The following POLDIP3 variants were observed in gnomAD, a reference collection of about 807,000 sequenced individuals.
POLDIP3 encodes the protein DNA polymerase delta interacting protein 3.
In POLDIP3, 14 loss-of-function variants were observed where a neutral mutation model predicts 45.1. That is an observed-to-expected ratio of 0.31 (90% CI 0.20 to 0.49). The LOEUF (loss-of-function observed/expected upper bound fraction) is 0.49, where lower values mean the gene tolerates loss of function less well. POLDIP3 is among the 20% of genes least tolerant of loss of function. The pLI is 0.99. For missense variants in POLDIP3, 511 were observed against 538.8 expected, an observed-to-expected ratio of 0.95 and a Z score of 0.51; for synonymous variants, 223 against 205.2, an observed-to-expected ratio of 1.09 and a Z score of -0.74.
Position 42,587,590 on chromosome 22 carries a change from G to GAA in POLDIP3, c.1022-20_1022-19dup. Reference sequence around the variant, plus strand: ...CGGCTGCCCTGAAAAACCAAAGAAAGAAAAAGGCTCTGCTATGAGACCTCG... The same window carrying GAA: ...CGGCTGCCCTGAAAAACCAAAGAAAGAAAAAAAGGCTCTGCTATGAGACCTCG... On this transcript the variant is annotated intron_variant, in intron 7 of 8. Transcript: ENST00000252115. 6.2e-7 allele frequency: 1 copy of GAA among 1,608,984 alleles called. No individual in the cohort carries two copies. Among genetic ancestry groups the GAA allele is most frequent in the Middle Eastern group, 1.7e-4 (1 of 6,054 alleles).
intron 1 of POLDIP3, among the ~76,000 whole-genome samples, chr22:42,609,484 G>C (rs1926985787): frequency 6.6e-6 from 1 of 152,192 alleles, no homozygotes; most frequent in Non-Finnish European, 1.5e-5. Context: ...GGGTCTGTCT[G>C]GGCTATAGGA....
intron 4 of POLDIP3, among the ~76,000 whole-genome samples, chr22:42,598,981 G>A (rs1926174916): frequency 6.6e-6 from 1 of 152,194 alleles, no homozygotes; most frequent in Non-Finnish European, 1.5e-5. Context: ...CCACAGATCA[G>A]GTGAGATGTA....
intron 1 of POLDIP3, among the ~76,000 whole-genome samples, chr22:42,613,032 C>G (rs1362810134): frequency 1.3e-5 from 2 of 152,170 alleles, no homozygotes; most frequent in Non-Finnish European, 2.9e-5. Flanking sequence ...GCCCCACCTA[C>G]TGCCCAACAC....
chr22:42,587,403 A>T, intron 8 of POLDIP3, 103 bp downstream of exon 8: 1 of 1,202,540 alleles, frequency 8.3e-7, no homozygotes, highest in Non-Finnish European at 1.2e-6. Flanking sequence ...GAGGAAACGG[A>T]ATGGGGGGAT....
At chr22:42,595,476 A>T in intron 6 of POLDIP3, 61 bp downstream of exon 6, 1 of 1,491,246 alleles carries the variant, frequency 6.7e-7, no homozygotes, top group Non-Finnish European at 9.4e-7. Context: ...GGTGGGTCTT[A>T]AGAGACCTTT....
intron 4 of POLDIP3, among the ~76,000 whole-genome samples, chr22:42,597,073 G>T (rs1302605237): frequency 6.6e-6 from 1 of 152,110 alleles, no homozygotes; most frequent in Admixed American, 6.6e-5. Flanking sequence ...CCATCCAGAG[G>T]AACCACACAC....
intron 1 of POLDIP3, among the ~76,000 whole-genome samples, chr22:42,611,737 C>T (rs143434797): frequency 0.017 from 2,580 of 152,116 alleles, 74 homozygotes; most frequent in African/African-American, 0.059. Flanking sequence ...ATTAACCAGG[C>T]GTGGTGGCGC....
At chr22:42,604,031 G>A (rs1008535627) in intron 1 of POLDIP3, among the ~76,000 whole-genome samples, 2 of 152,184 alleles carry the variant, frequency 1.3e-5, no homozygotes, top group African/African-American at 4.8e-5. Context: ...GCTTGAAAGT[G>A]AACAGAAGGC....
intron 7 of POLDIP3, among the ~76,000 whole-genome samples, chr22:42,591,295 T>G (rs551203867): frequency 1.3e-5 from 2 of 152,104 alleles, no homozygotes; most frequent in Non-Finnish European, 2.9e-5. Flanking sequence ...AAATCAGAAC[T>G]CCACTGACTC....
chr22:42,602,728 T>G (rs1158849972), intron 2 of POLDIP3, 42 bp downstream of exon 2: 3 of 1,551,212 alleles, frequency 1.9e-6, no homozygotes, highest in Non-Finnish European at 2.6e-6. Context: ...TCTACCTTTG[T>G]TACTAGCTTT....
rs1351004733 is a variant in POLDIP3, at chr22:42,584,104, G to A, written c.*1687C>T. 1 of 152,732 alleles carries A rather than the reference G, an allele frequency of 6.5e-6. No homozygotes were observed. The highest frequency in any genetic ancestry group is 1.5e-5 in the Non-Finnish European group (1 of 68,118). The allele number at this position is 152,732 out of a possible 1,614,324, so 9.5% of individuals were successfully genotyped here. On this transcript the variant is annotated 3_prime_UTR_variant, in exon 9 of 9. Coordinates refer to ENST00000252115, the MANE Select transcript of POLDIP3 (RefSeq NM_032311.5). ...CTACCCTAAGCACAGTGCAAGCAGTGAGCCCCCGGCTCCCAGTACCTGAAA... is the reference window on the plus strand; with the variant it reads ...CTACCCTAAGCACAGTGCAAGCAGTAAGCCCCCGGCTCCCAGTACCTGAAA...
chr22:42,607,841 C>A (rs1169710632), intron 1 of POLDIP3, among the ~76,000 whole-genome samples: 1 of 151,030 alleles, frequency 6.6e-6, no homozygotes, highest in Non-Finnish European at 1.5e-5. Context: ...CCGGCCACCC[C>A]GTCTGGGAAG....
At chr22:42,599,164 G>T (rs1208365010) in intron 4 of POLDIP3, among the ~76,000 whole-genome samples, 1 of 152,238 alleles carries the variant, frequency 6.6e-6, no homozygotes, top group Admixed American at 6.5e-5. Context: ...GCACCTAGGA[G>T]CTGCAGCCCT....
intron 1 of POLDIP3, among the ~76,000 whole-genome samples, chr22:42,605,952 G>T (rs932186691): frequency 2.8e-4 from 43 of 152,046 alleles, no homozygotes; most frequent in African/African-American, 9.4e-4. Flanking sequence ...GACCTGCCTG[G>T]CCAACATGGT....
intron 4 of POLDIP3, 74 bp downstream of exon 4, chr22:42,599,624 C>G (rs1231310812): frequency 3.5e-6 from 4 of 1,136,052 alleles, no homozygotes; most frequent in Non-Finnish European, 5.2e-6. Flanking sequence ...AAAAAAACAA[C>G]AGGTTCTATT....
At chr22:42,590,754 A>C (rs1292758234) in intron 7 of POLDIP3, among the ~76,000 whole-genome samples, 5 of 152,368 alleles carry the variant, frequency 3.3e-5, no homozygotes, top group South Asian at 2.1e-4. Flanking sequence ...TTTAAAAAGC[A>C]GACAAAGATT....
At chr22:42,614,666 C>T in intron 1 of POLDIP3, 133 bp downstream of exon 1, 1 of 990,476 alleles carries the variant, frequency 1.0e-6, no homozygotes, top group Non-Finnish European at 1.5e-6. Flanking sequence ...GGCAGCCGGC[C>T]AATGAGGAGC....
intron 1 of POLDIP3, among the ~76,000 whole-genome samples, chr22:42,607,359 T>C (rs538716608): frequency 6.6e-6 from 1 of 152,382 alleles, no homozygotes; most frequent in African/African-American, 2.4e-5. Context: ...GTGATCTGCC[T>C]GCCTCGGCCT....
chr22:42,591,018 G>T (rs1024163336), intron 7 of POLDIP3, among the ~76,000 whole-genome samples: 2 of 151,086 alleles, frequency 1.3e-5, no homozygotes, highest in South Asian at 2.1e-4. Context: ...AGGTTGCAGT[G>T]AGCTGAGATC....
Sources: gnomAD v4.1 joint callset for allele counts (sites outside exome capture counted in the v4.1 genomes callset) on GRCh38, gnomAD v4.1.1 for gene constraint, MANE v1.5 for transcripts, NCBI Gene and HGNC (gene_info 2026-07-23, HGNC 2026-07-21) for gene names.